Variants in RPL3L observed in about 807,000 individuals in gnomAD.
RPL3L encodes ribosomal protein L3 like.
In RPL3L, 44 loss-of-function variants were observed where a neutral mutation model predicts 44.5. That is an observed-to-expected ratio of 0.99 (90% CI 0.78 to 1.27). RPL3L has a LOEUF of 1.27. RPL3L is among the 50% of genes most tolerant of loss of function. RPL3L has a pLI of 0.00. For missense variants in RPL3L, 631 were observed against 569.1 expected (o/e 1.11, Z -1.11); for synonymous variants, 292 against 230.7 (o/e 1.27, Z -2.41).
At chr16:1,954,536 G>T in intron 1 of RPL3L, 93 bp downstream of exon 1, 1 of 1,370,172 alleles carries the variant, frequency 7.3e-7, no homozygotes, top group Admixed American at 2.3e-5. Flanking sequence ...CTGGGAGACT[G>T]TCCCTCTGAG....
chr16:1,946,863 C>G, intron 6 of RPL3L, 75 bp downstream of exon 6: 1 of 1,560,184 alleles, frequency 6.4e-7, no homozygotes, highest in Non-Finnish European at 8.7e-7. Context: ...GGGTCATGCA[C>G]CCCACCCACT....
At chr16:1,950,571 G>A (rs544412276) in intron 4 of RPL3L, among the ~76,000 whole-genome samples, 1 of 152,294 alleles carries the variant, frequency 6.6e-6, no homozygotes, top group East Asian at 1.9e-4. Flanking sequence ...CCTCCACACA[G>A]CACACTTGGC....
intron 9 of RPL3L, among the ~76,000 whole-genome samples, chr16:1,945,268 T>C (rs191684627): frequency 3.7e-4 from 56 of 151,462 alleles, no homozygotes; most frequent in Non-Finnish European, 4.4e-5. Flanking sequence ...ATCTGGAGAA[T>C]TGCTTGAACC....
chr16:1,952,405 T>G (rs1422264609), intron 3 of RPL3L, among the ~76,000 whole-genome samples: 1 of 151,990 alleles, frequency 6.6e-6, no homozygotes, highest in Non-Finnish European at 1.5e-5. Context: ...GAGACAGGGT[T>G]TCACTCTGCC....
At chr16:1,947,939 T>A (rs1191782534) in intron 4 of RPL3L, among the ~76,000 whole-genome samples, 2 of 74,416 alleles carry the variant, frequency 2.7e-5, no homozygotes, top group Admixed American at 1.2e-4. Context: ...TCTGATTGGA[T>A]TTTTTTTTTT....
At position 1,946,580 on chromosome 16, in the gene RPL3L, A is replaced by G. The variant is rs202239017; in HGVS notation, c.951+45T>C. 14 of 1,587,304 alleles carry G rather than the reference A, an allele frequency of 8.8e-6. No individual in the cohort carries two copies. In the East Asian group the frequency reaches 2.9e-4, roughly 33 times the overall value. ...CCAGCCTGACCCCACTCCAGCCATCATCAGCGGTGTGATGGGCCTGGCAGT... is the reference window on the plus strand; with the variant it reads ...CCAGCCTGACCCCACTCCAGCCATCGTCAGCGGTGTGATGGGCCTGGCAGT... On this transcript the variant is annotated intron_variant, in intron 7 of 9. Coordinates refer to ENST00000268661, the MANE Select transcript of RPL3L (RefSeq NM_005061.3).
chr16:1,953,895 G>T, intron 2 of RPL3L, 61 bp downstream of exon 2: 1 of 1,408,266 alleles, frequency 7.1e-7, no homozygotes, highest in Non-Finnish European at 9.3e-7. Flanking sequence ...GTGAGTTCTG[G>T]CTCCGAGCAT....
Position 1,947,101 on chromosome 16 carries a change from G to A in RPL3L, c.689-3C>T, listed in dbSNP as rs2083128228. Reference sequence around the variant, plus strand: ...GGTATGCCAGCGGCTTGTGACCCCTGTGAGTGAGAGGGGCTGGTGGCTGAG... The same window carrying A: ...GGTATGCCAGCGGCTTGTGACCCCTATGAGTGAGAGGGGCTGGTGGCTGAG... On this transcript the variant is annotated splice_polypyrimidine_tract_variant and splice_region_variant and intron_variant, in intron 5 of 9. Coordinates refer to ENST00000268661, the MANE Select transcript of RPL3L (RefSeq NM_005061.3). 1 of 1,613,492 alleles carries A rather than the reference G, an allele frequency of 6.2e-7. No individual in the cohort carries two copies. The highest frequency in any genetic ancestry group is 8.5e-7 in the Non-Finnish European group (1 of 1,179,962).
At chr16:1,952,247 C>T (rs960990047) in intron 3 of RPL3L, among the ~76,000 whole-genome samples, 2 of 149,410 alleles carry the variant, frequency 1.3e-5, no homozygotes, top group African/African-American at 4.9e-5. Context: ...GGGACTACTA[C>T]AGTCGTGAGC....
chr16:1,950,353 G>A (rs1381750522), intron 4 of RPL3L, among the ~76,000 whole-genome samples: 1 of 151,962 alleles, frequency 6.6e-6, no homozygotes, highest in Non-Finnish European at 1.5e-5. Flanking sequence ...CGAGCAGCTG[G>A]GGGCAGTGTG....
chr16:1,947,168 G>A (rs763113747), intron 5 of RPL3L, 26 bp downstream of exon 5: 1 of 1,612,998 alleles, frequency 6.2e-7, no homozygotes, highest in Non-Finnish European at 8.5e-7. Context: ...GCCTGCCCTG[G>A]AGCTGCCATC....
In RPL3L at chr16:1,950,871, C is replaced by A. The variant is rs144536720; in HGVS notation, c.474G>T (p.Lys158Asn). 7 of 1,613,968 alleles carry A rather than the reference C, an allele frequency of 4.3e-6. No homozygotes were observed. In the African/African-American group the frequency reaches 8.0e-5, roughly 18 times the overall value. Residue 158 changes from lysine to asparagine, a missense_variant, in exon 4 of 10, where the codon AAG (lysine) becomes AAT (asparagine). Lys to Asn is a moderately conservative substitution (Grantham distance 94). Transcript: ENST00000268661. ...GAGTGTGGACAATGACCCGAATGACCTTGCAGTACTTCTTCATGGCGGCGA... is the reference window on the plus strand; with the variant it reads ...GAGTGTGGACAATGACCCGAATGACATTGCAGTACTTCTTCATGGCGGCGA... ...KDFAAMKKYC[K>N]VIRVIVHTQM... is the part of the protein sequence containing the mutation.
chr16:1,949,258 T>TC (rs2083150779), intron 4 of RPL3L, among the ~76,000 whole-genome samples: 1 of 103,316 alleles, frequency 9.7e-6, no homozygotes, highest in East Asian at 5.1e-4. Context: ...TTTTTTTTTT[T>TC]CTTTTTTTTT....
Position 1,944,204 on chromosome 16 carries a change from G to A in RPL3L, c.*633C>T, listed in dbSNP as rs997246479. 6.6e-6 allele frequency: 1 copy of A among 152,308 alleles called. No homozygotes were observed. The highest frequency in any genetic ancestry group is 1.5e-5 in the Non-Finnish European group (1 of 68,164). The allele number at this position is 152,308 out of a possible 1,614,324, so 9.4% of individuals were successfully genotyped here. ...GATTGCATTTTTAGGACTAACATTA[G>A]CCACAATATTGGGAATTATGGTTTA... On this transcript the variant is annotated 3_prime_UTR_variant, in exon 10 of 10. Transcript: ENST00000268661.
chr16:1,946,896 G>A, intron 6 of RPL3L, 42 bp downstream of exon 6: 1 of 1,572,610 alleles, frequency 6.4e-7, no homozygotes, highest in Non-Finnish European at 8.6e-7. Context: ...GAGGGCTGGG[G>A]TCCGACCACA....
intron 4 of RPL3L, among the ~76,000 whole-genome samples, chr16:1,949,822 G>T (rs1470721168): frequency 3.4e-5 from 1 of 29,430 alleles, no homozygotes; most frequent in Non-Finnish European, 5.7e-5. Flanking sequence ...GGCAGGTATG[G>T]ACGGGGCAGG....
chr16:1,947,302 C>T lies in RPL3L; in HGVS notation c.580G>A (p.Val194Met), dbSNP rs1281529064. The T allele has an allele frequency of 6.2e-7, 1 of 1,612,816 alleles. No homozygotes were observed. The highest frequency in any genetic ancestry group is 1.1e-5 in the South Asian group (1 of 91,066). The change falls in exon 5 of 10, where the codon GTG (valine) becomes ATG (methionine). Residue 194 changes from valine (V) to methionine (M), a missense_variant. Val to Met is a conservative substitution (Grantham distance 21). Coordinates refer to ENST00000268661, the MANE Select transcript of RPL3L (RefSeq NM_005061.3). ...TCCAGCCGGGCCTGGGCCCAGGCCA[C>T]CTTCTCGGCCACCGTGCCACCGTTC... Reference protein sequence around the residue: ...QLNGGTVAEKVAWAQARLEKQ... With the variant: ...QLNGGTVAEKMAWAQARLEKQ...
chr16:1,951,674 G>T (rs1022602474), intron 3 of RPL3L, among the ~76,000 whole-genome samples: 20 of 151,342 alleles, frequency 1.3e-4, no homozygotes, highest in Admixed American at 3.3e-4. Flanking sequence ...GAACCATTGT[G>T]CCCAGCCAGA....
chr16:1,953,107 AG>A, intron 2 of RPL3L, 65 bp from the exon 3 acceptor site: 2 of 1,514,418 alleles, frequency 1.3e-6, no homozygotes, highest in Non-Finnish European at 1.8e-6. Flanking sequence ...GAGGGAGTGG[AG>A]AGCCGCCCAC....
Sources: gnomAD v4.1 joint callset for allele counts (sites outside exome capture counted in the v4.1 genomes callset) on GRCh38, gnomAD v4.1.1 for gene constraint, MANE v1.5 for transcripts, NCBI Gene and HGNC (gene_info 2026-07-23, HGNC 2026-07-21) for gene names.